The following GORASP2 variants were observed in gnomAD, a reference collection of about 807,000 sequenced individuals.
GORASP2 encodes the protein Golgi reassembly-stacking protein 2.
A neutral mutation model predicts 45.7 loss-of-function variants in GORASP2; 22 were observed. The ratio of observed to expected loss-of-function variants is 0.48; its 90% CI spans 0.34 to 0.69. The LOEUF (loss-of-function observed/expected upper bound fraction) is 0.69. GORASP2 is among the 30% of genes least tolerant of loss of function. The pLI is 0.01. For synonymous variants in GORASP2, 221 were observed against 215.6 expected, an observed-to-expected ratio of 1.02 and a Z score of -0.22; for missense variants, 491 against 562.7, an observed-to-expected ratio of 0.87 and a Z score of 1.29.
chr2:170,937,037 CT>C (rs912924839), intron 1 of GORASP2, among the ~76,000 whole-genome samples: 7 of 151,978 alleles, frequency 4.6e-5, no homozygotes, highest in Admixed American at 1.3e-4. Context: ...GTGAAACCCC[CT>C]CTCTACAAAA....
intron 6 of GORASP2, among the ~76,000 whole-genome samples, chr2:170,956,167 G>A (rs1314783070): frequency 6.6e-6 from 1 of 152,206 alleles, no homozygotes; most frequent in African/African-American, 2.4e-5. Context: ...TTCTAGTGTG[G>A]AAGTATGAAG....
rs1458275181 is a variant in GORASP2, at chr2:170,966,404, G to C, written c.*274G>C. ...CTGCCAGGCTTGCACTGCCGTTCCT[G>C]GGGGTGTGCATCTTCGGGAAAGGTG... On this transcript the variant is annotated 3_prime_UTR_variant, in exon 10 of 10. Coordinates refer to ENST00000234160, the MANE Select transcript of GORASP2 (RefSeq NM_015530.5). The C allele has an allele frequency of 4.0e-6, 2 of 497,692 alleles. No homozygotes were observed. The highest frequency in any genetic ancestry group is 7.2e-6 in the Non-Finnish European group (2 of 276,744). 30.8% of individuals were successfully genotyped at this position (497,692 alleles called of 1,614,324 possible). A position where few individuals can be genotyped will look rare whatever the true frequency, so the allele number is the denominator to read the frequency against.
intron 5 of GORASP2, among the ~76,000 whole-genome samples, chr2:170,952,391 C>T (rs561605246): frequency 1.3e-5 from 2 of 152,344 alleles, no homozygotes; most frequent in East Asian, 3.9e-4. Flanking sequence ...AGAACATTTT[C>T]GTCAGTCTGC....
At chr2:170,935,913 T>C (rs1703938815) in intron 1 of GORASP2, among the ~76,000 whole-genome samples, 1 of 152,188 alleles carries the variant, frequency 6.6e-6, no homozygotes, top group African/African-American at 2.4e-5. Context: ...AGGTGTGTTT[T>C]AATGCCTGCG....
In GORASP2 at chr2:170,948,410, T is replaced by C. The variant is rs1293362013; in HGVS notation, c.124T>C (p.Ser42Pro). The change falls in exon 2 of 10, where the codon TCT (serine) becomes CCT (proline). Residue 42 changes from serine to proline, a missense_variant. By Grantham distance (74) the Ser-to-Pro change is moderately conservative. Coordinates refer to ENST00000234160, the MANE Select transcript of GORASP2 (RefSeq NM_015530.5). ...GLEPFFDFIVSINGSRLNKDN... is the reference protein window; with the variant it reads ...GLEPFFDFIVPINGSRLNKDN... ...GGAGCCTTTCTTTGATTTTATTGTT[T>C]CTATTAATGGTTCAAGATTAGTAAG... is the stretch of plus-strand genomic sequence containing the variant. 6.3e-7 allele frequency: 1 copy of C among 1,575,952 alleles called. No homozygotes were observed. Among genetic ancestry groups the C allele is most frequent in the Middle Eastern group, 1.7e-4 (1 of 5,990 alleles).
chr2:170,948,510 G>T (rs1000637860), intron 2 of GORASP2, 80 bp downstream of exon 2: 16 of 717,790 alleles, frequency 2.2e-5, no homozygotes, highest in Non-Finnish European at 2.7e-5. Flanking sequence ...CCTGAGATGG[G>T]TATTTATTAG....
chr2:170,931,837 G>A (rs1417079510), intron 1 of GORASP2, among the ~76,000 whole-genome samples: 1 of 152,162 alleles, frequency 6.6e-6, no homozygotes, highest in African/African-American at 2.4e-5. Flanking sequence ...TTTTCAGATT[G>A]TGATCATATT....
chr2:170,940,904 C>T (rs1297799855), intron 1 of GORASP2, among the ~76,000 whole-genome samples: 1 of 152,096 alleles, frequency 6.6e-6, no homozygotes, highest in East Asian at 1.9e-4. Flanking sequence ...AAATCATCCA[C>T]TGTAGTTGAA....
chr2:170,946,010 T>G lies in GORASP2; in HGVS notation c.64-2340T>G, dbSNP rs114263999. The stretch of plus-strand genomic sequence containing the variant: ...CTTTTGTTCTTGTGGAATAGATTTT[T>G]TTTTGTTTTGTTTTGTTTTGAGACA... On this transcript the variant is annotated intron_variant, in intron 1 of 9. Coordinates refer to ENST00000234160, the MANE Select transcript of GORASP2 (RefSeq NM_015530.5). Among the ~76,000 whole-genome samples, 872 of 152,278 alleles carry G rather than the reference T, an allele frequency of 5.7e-3. 6 individuals carry two copies. The highest frequency in any genetic ancestry group is 0.014 in the South Asian group (68 of 4,824).
chr2:170,948,595 T>A, intron 2 of GORASP2, 165 bp downstream of exon 2: 1 of 519,502 alleles, frequency 1.9e-6, no homozygotes, highest in Non-Finnish European at 3.3e-6. Flanking sequence ...ATCTATAATA[T>A]TATACCTTAT....
At chr2:170,964,099 T>G (rs1019117289) in intron 9 of GORASP2, among the ~76,000 whole-genome samples, 1 of 152,262 alleles carries the variant, frequency 6.6e-6, no homozygotes, top group Non-Finnish European at 1.5e-5. Flanking sequence ...TCAGATTTTC[T>G]GTCTGAAAAT....
At chr2:170,940,965 G>A (rs1278971851) in intron 1 of GORASP2, among the ~76,000 whole-genome samples, 2 of 152,138 alleles carry the variant, frequency 1.3e-5, no homozygotes, top group Admixed American at 6.5e-5. Context: ...AAAAAATCCA[G>A]CTTCTAATCA....
At chr2:170,961,601 G>A in intron 7 of GORASP2, 62 bp from the exon 8 acceptor site, 2 of 898,898 alleles carry the variant, frequency 2.2e-6, no homozygotes, top group Non-Finnish European at 3.8e-6. Context: ...GTCCTAATGT[G>A]TTCTGTTCAT....
At chr2:170,929,928 C>T (rs371604550) in intron 1 of GORASP2, 7 of 365,272 alleles carry the variant, frequency 1.9e-5, no homozygotes, top group African/African-American at 4.5e-5. Flanking sequence ...GACGGAAAAC[C>T]AAATGGCCTG....
At chr2:170,959,858 G>C (rs1369414657) in intron 7 of GORASP2, among the ~76,000 whole-genome samples, 1 of 118,212 alleles carries the variant, frequency 8.5e-6, no homozygotes, top group Non-Finnish European at 1.6e-5. Context: ...GTCTTGCTCT[G>C]TCGCTCAGGC....
rs746427798 is a variant in GORASP2 at position 170,951,432 on chromosome 2, A to G, written c.540A>G (p.Pro180=). The G allele has an allele frequency of 1.2e-6, 2 of 1,611,388 alleles. No individual in the cohort carries two copies. The highest frequency in any genetic ancestry group is 1.7e-6 in the Non-Finnish European group (2 of 1,179,094). ...TDNCREVIIT[P]NSAWGGEGSL... ...ACTGTCGAGAAGTGATTATTACACC[A>G]AATTCTGCATGGGGTGGAGAAGGCA... The change falls in exon 5 of 10, where the codon CCA becomes CCG. Residue 180 remains proline, a synonymous_variant. Transcript: ENST00000234160.
intron 1 of GORASP2, among the ~76,000 whole-genome samples, chr2:170,932,945 C>A (rs1185983043): frequency 2.0e-5 from 3 of 152,156 alleles, no homozygotes; most frequent in Non-Finnish European, 4.4e-5. Flanking sequence ...GTGTTTCAGA[C>A]ACCCTGTGTG....
intron 1 of GORASP2, among the ~76,000 whole-genome samples, chr2:170,931,950 G>A (rs1272903739): frequency 6.6e-6 from 1 of 152,204 alleles, no homozygotes; most frequent in African/African-American, 2.4e-5. Context: ...CTCTTTGGCC[G>A]CGCACAGTGG....
At chr2:170,930,356 A>C (rs1389564282) in intron 1 of GORASP2, among the ~76,000 whole-genome samples, 1 of 152,222 alleles carries the variant, frequency 6.6e-6, no homozygotes, top group African/African-American at 2.4e-5. Context: ...TGAACAGTCA[A>C]CAGAGTGGCC....
Sources: allele counts gnomAD v4.1 joint callset (sites outside exome capture counted in the v4.1 genomes callset), GRCh38; gene constraint gnomAD v4.1.1; transcripts MANE v1.5; gene names NCBI Gene and HGNC (gene_info 2026-07-23, HGNC 2026-07-21).